The following SLC1A7 variants were observed in gnomAD, a reference collection of about 807,000 sequenced individuals.
The protein encoded by SLC1A7 is solute carrier family 1 member 7.
A neutral mutation model predicts 47.7 loss-of-function variants in SLC1A7; 40 were observed. The ratio of observed to expected loss-of-function variants is 0.84; its 90% CI spans 0.65 to 1.09. The LOEUF (loss-of-function observed/expected upper bound fraction) is 1.09. Among genes scored for constraint, SLC1A7 ranks in the 50% least tolerant of loss-of-function variants. SLC1A7 has a pLI of 0.00. For missense variants in SLC1A7, 746 were observed against 769.5 expected (o/e 0.97, Z 0.36); for synonymous variants, 323 against 325.6 (o/e 0.99, Z 0.09).
At chr1:53,125,170 C>A (rs1047336358) in intron 2 of SLC1A7, among the ~76,000 whole-genome samples, 1 of 152,106 alleles carries the variant, frequency 6.6e-6, no homozygotes, top group Non-Finnish European at 1.5e-5. Context: ...GGGAGGGGGG[C>A]CCCAATGCAG....
At chr1:53,121,777 TGG>T (rs774257907) in intron 2 of SLC1A7, among the ~76,000 whole-genome samples, 4 of 151,614 alleles carry the variant, frequency 2.6e-5, no homozygotes, top group Non-Finnish European at 4.4e-5. Context: ...GCTGCACACG[TGG>T]GGAGGGGACT....
intron 5 of SLC1A7, among the ~76,000 whole-genome samples, chr1:53,101,704 C>A (rs1644584065): frequency 6.6e-6 from 1 of 151,058 alleles, no homozygotes; most frequent in Admixed American, 6.6e-5. Context: ...TACACTCACA[C>A]CAGCTTGGTA....
rs779062674 is a variant in SLC1A7, at chr1:53,090,692, C to T, written c.1146G>A (p.Ala382=). 3.3e-5 allele frequency: 53 copies of T among 1,614,044 alleles called. No individual in the cohort carries two copies. In the East Asian group the frequency reaches 4.7e-4, roughly 14 times the overall value. The change falls in exon 8 of 11, where the codon GCG becomes GCA. Residue 382 remains alanine (A), a synonymous_variant. Transcript: ENST00000371494. The part of the protein sequence containing the change: ...VGATINMDGT[A]LYEAVAAIFI... ...AGATGGCGGCCACAGCCTCGTAGAG[C>T]GCAGTGCCGTCCATGTTGATGGTGG...
Position 53,088,889 on chromosome 1 carries a change from G to A in SLC1A7, c.1452C>T (p.Asp484=), listed in dbSNP as rs756907576. ...AHICRKDFAR[D]TGTEKLLPCE... ...TCACTGCTCTCACCTCGGTGCCTGTGTCCCGGGCAAAATCCTTCCGACATA... is the reference window on the plus strand; with the variant it reads ...TCACTGCTCTCACCTCGGTGCCTGTATCCCGGGCAAAATCCTTCCGACATA... The change falls in exon 10 of 11, where the codon GAC becomes GAT. Residue 484 remains aspartate, a synonymous_variant. Transcript: ENST00000371494. 1.2e-6 allele frequency: 2 copies of A among 1,613,802 alleles called. No homozygotes were observed. The highest frequency in any genetic ancestry group is 1.7e-6 in the Non-Finnish European group (2 of 1,179,810).
Position 53,089,837 on chromosome 1 carries a change from CG to C in SLC1A7, c.1323del (p.Asp442MetfsTer19). Reference sequence around the variant, plus strand: ...ACGGCAATGATGAGGGTGATGTCATCGGTGGGCAGTCCCACGGAGGTGAGCA... The same window carrying C: ...ACGGCAATGATGAGGGTGATGTCATCGTGGGCAGTCCCACGGAGGTGAGCA... ...VIVLTSVGLP[T>X]DDITLIIAVD... On this transcript the variant is annotated frameshift_variant, in exon 9 of 11. Coordinates refer to ENST00000371494, the MANE Select transcript of SLC1A7 (RefSeq NM_006671.6). LOFTEE classifies it high-confidence loss of function. 1 of 1,613,986 alleles carries C rather than the reference CG, an allele frequency of 6.2e-7. No individual in the cohort carries two copies. The highest frequency in any genetic ancestry group is 1.1e-5 in the South Asian group (1 of 91,076).
chr1:53,124,087 TAA>T (rs1644854017), intron 2 of SLC1A7, among the ~76,000 whole-genome samples: 1 of 152,178 alleles, frequency 6.6e-6, no homozygotes, highest in Non-Finnish European at 1.5e-5. Context: ...CCATTTCCAA[TAA>T]GTTAGAATGT....
chr1:53,139,049 G>C (rs1028826795), intron 1 of SLC1A7, among the ~76,000 whole-genome samples: 3 of 151,902 alleles, frequency 2.0e-5, no homozygotes, highest in Non-Finnish European at 4.4e-5. Flanking sequence ...TTTTCTCTTC[G>C]TTTACTCTGT....
At chr1:53,134,227 C>G in intron 2 of SLC1A7, 123 bp downstream of exon 2, 1 of 645,806 alleles carries the variant, frequency 1.5e-6, no homozygotes, top group Non-Finnish European at 2.7e-6. Flanking sequence ...AAAGGCCCCA[C>G]GGTCACACTC....
chr1:53,142,160 C>G (rs562239473), intron 1 of SLC1A7, among the ~76,000 whole-genome samples, 155 bp downstream of exon 1: 1 of 152,290 alleles, frequency 6.6e-6, no homozygotes, highest in Non-Finnish European at 1.5e-5. Flanking sequence ...TTATCACACC[C>G]ATGTTACAGA....
chr1:53,131,030 C>T (rs576595875), intron 2 of SLC1A7, among the ~76,000 whole-genome samples: 1 of 152,328 alleles, frequency 6.6e-6, no homozygotes, highest in East Asian at 1.9e-4. Flanking sequence ...AATGTTAAAG[C>T]GGTTCCATTT....
chr1:53,121,701 G>A (rs1046760088), intron 2 of SLC1A7, among the ~76,000 whole-genome samples: 2 of 152,226 alleles, frequency 1.3e-5, no homozygotes, highest in African/African-American at 4.8e-5. Flanking sequence ...CATGTGTTGG[G>A]CCGCACTTGG....
chr1:53,138,922 C>T (rs986610734), intron 1 of SLC1A7, among the ~76,000 whole-genome samples: 1 of 152,150 alleles, frequency 6.6e-6, no homozygotes, highest in African/African-American at 2.4e-5. Flanking sequence ...ACTATATCTT[C>T]ACTCGCAGCT....
chr1:53,107,894 G>C (rs1008652627), intron 3 of SLC1A7: 2 of 152,270 alleles, frequency 1.3e-5, no homozygotes, highest in Non-Finnish European at 2.9e-5. Flanking sequence ...CAGGCAATTC[G>C]TGTTACAAAA....
chr1:53,094,931 G>A (rs72907004), intron 5 of SLC1A7, among the ~76,000 whole-genome samples: 5,010 of 152,338 alleles, frequency 0.033, 271 homozygotes, highest in African/African-American at 0.11. Context: ...GGGAAAGGAG[G>A]CTGGGTTGAG....
At chr1:53,136,436 G>A (rs1019194837) in intron 1 of SLC1A7, among the ~76,000 whole-genome samples, 5 of 147,080 alleles carry the variant, frequency 3.4e-5, no homozygotes, top group African/African-American at 7.4e-5. Flanking sequence ...TTGTTGATCC[G>A]CCCGCCTCGG....
chr1:53,128,348 G>A (rs1347857012), intron 2 of SLC1A7, among the ~76,000 whole-genome samples: 1 of 152,174 alleles, frequency 6.6e-6, no homozygotes, highest in Non-Finnish European at 1.5e-5. Flanking sequence ...ATGGTGGCGT[G>A]TGCCTGTAGT....
At chr1:53,110,768 T>C (rs1572325947) in intron 3 of SLC1A7, among the ~76,000 whole-genome samples, 1 of 152,040 alleles carries the variant, frequency 6.6e-6, no homozygotes, top group East Asian at 1.9e-4. Flanking sequence ...CTCTCCTAGT[T>C]CTCCTCCTGC....
chr1:53,137,287 C>CAAAAA (rs60113708), intron 1 of SLC1A7, among the ~76,000 whole-genome samples: 1 of 100,750 alleles, frequency 9.9e-6, no homozygotes. Context: ...ACGCTATCTC[C>CAAAAA]AAAAAAAAAA....
In SLC1A7 at chr1:53,088,084, C is replaced by T; in HGVS notation, c.1608G>A (p.Glu536=). The T allele has an allele frequency of 6.2e-7, 1 of 1,610,504 alleles. No individual in the cohort carries two copies. Among genetic ancestry groups the T allele is most frequent in the Non-Finnish European group, 8.5e-7 (1 of 1,177,802 alleles). Residue 536 remains glutamate (E), a synonymous_variant, in exon 11 of 11, where the codon GAG becomes GAA. Transcript: ENST00000371494. ...TCPHHVPVQV[E]QDEELPAASL... ...TCGCAGCGGGCAGCTCCTCATCCTG[C>T]TCCACTTGAACGGGGACGTGGTGGG...
Sources: gnomAD v4.1 joint callset for allele counts (sites outside exome capture counted in the v4.1 genomes callset) on GRCh38, gnomAD v4.1.1 for gene constraint, MANE v1.5 for transcripts, NCBI Gene and HGNC (gene_info 2026-07-23, HGNC 2026-07-21) for gene names.